The following TRDN variants were observed in gnomAD, a reference collection of about 807,000 sequenced individuals.
The protein encoded by TRDN is triadin in skeletal muscle.
A neutral mutation model predicts 149.7 loss-of-function variants in TRDN; 161 were observed. That is an observed-to-expected ratio of 1.08 (90% CI 0.95 to 1.23). The LOEUF (loss-of-function observed/expected upper bound fraction) is 1.23. TRDN is among the 50% of genes most tolerant of loss of function. The probability of loss-of-function intolerance (pLI) is 0.00; values close to 1 mark genes in which losing one functional copy is unlikely to be tolerated. For missense variants in TRDN, 896 were observed against 823.5 expected, an observed-to-expected ratio of 1.09 and a Z score of -1.08; for synonymous variants, 294 against 250.5, an observed-to-expected ratio of 1.17 and a Z score of -1.64.
At chr6:123,624,237 T>C (rs1785537163) in intron 1 of TRDN, among the ~76,000 whole-genome samples, 1 of 152,090 alleles carries the variant, frequency 6.6e-6, no homozygotes, top group Non-Finnish European at 1.5e-5. Context: ...TAAAATACTA[T>C]GTCTCAAAGC....
chr6:123,457,922 T>G (rs1776226970), intron 10 of TRDN, among the ~76,000 whole-genome samples: 1 of 152,206 alleles, frequency 6.6e-6, no homozygotes, highest in African/African-American at 2.4e-5. Context: ...CCAAAATTCT[T>G]TTTTCTTCCG....
intron 23 of TRDN, among the ~76,000 whole-genome samples, chr6:123,330,267 A>C (rs1193664564): frequency 1.3e-5 from 2 of 152,108 alleles, no homozygotes; most frequent in African/African-American, 4.8e-5. Flanking sequence ...GTATCTAACC[A>C]TTTCAACTTA....
chr6:123,464,731 G>T (rs1036558963), intron 10 of TRDN, 175 bp downstream of exon 10: 20 of 1,391,988 alleles, frequency 1.4e-5, no homozygotes, highest in Non-Finnish European at 1.9e-5. Context: ...GGACATTTTT[G>T]GTTTTCTAAA....
chr6:123,618,807 T>G (rs1487914358), intron 1 of TRDN, among the ~76,000 whole-genome samples: 1 of 152,194 alleles, frequency 6.6e-6, no homozygotes, highest in African/African-American at 2.4e-5. Flanking sequence ...GTTGAGAATC[T>G]GCTTTTTTCT....
At chr6:123,308,253 A>G (rs1468240630) in intron 24 of TRDN, among the ~76,000 whole-genome samples, 2 of 151,172 alleles carry the variant, frequency 1.3e-5, no homozygotes, top group East Asian at 1.9e-4. Flanking sequence ...TCTTTATCCA[A>G]TCCACCATGG....
intron 7 of TRDN, chr6:123,509,653 A>G (rs13195619): frequency 8.5e-5 from 13 of 152,290 alleles, no homozygotes; most frequent in African/African-American, 3.1e-4. Context: ...TTTGTTTGCC[A>G]CCTTGTAAGA....
Position 123,497,218 on chromosome 6 carries a change from T to C in TRDN, c.828A>G (p.Ile276Met). The change falls in exon 9 of 41, where the codon ATA becomes ATG. Residue 276 changes from isoleucine (I) to methionine (M), a missense_variant. Coordinates refer to ENST00000334268, the MANE Select transcript of TRDN (RefSeq NM_006073.4). ...QYAFCRYMID[I>M]FVHGDLKPGQ... The stretch of plus-strand genomic sequence containing the variant: ...CTGGTTTTAAATCCCCATGGACAAA[T>C]ATGTCAATCATATATCGACAGAATG... 1 of 1,559,668 alleles carries C rather than the reference T, an allele frequency of 6.4e-7. No homozygotes were observed.
chr6:123,538,433 G>A (rs920669595), intron 4 of TRDN, among the ~76,000 whole-genome samples: 4 of 152,016 alleles, frequency 2.6e-5, no homozygotes, highest in African/African-American at 9.7e-5. Flanking sequence ...GTAAATATCT[G>A]TATATTCTTT....
chr6:123,388,403 G>C (rs1781984778), intron 14 of TRDN, 119 bp downstream of exon 14: 5 of 1,144,864 alleles, frequency 4.4e-6, no homozygotes, highest in Admixed American at 2.0e-5. Context: ...CAAAATGTAT[G>C]CACATAATAG....
intron 24 of TRDN, among the ~76,000 whole-genome samples, chr6:123,293,527 A>T (rs1022810649): frequency 1.3e-5 from 2 of 152,152 alleles, no homozygotes; most frequent in Non-Finnish European, 2.9e-5. Context: ...AGATCACAAC[A>T]TACAAGGGAA....
At position 123,388,570 on chromosome 6, in the gene TRDN, C is replaced by T. The variant is rs754623877; in HGVS notation, c.1106-19G>A. The T allele has an allele frequency of 2.3e-5, 36 of 1,576,936 alleles. No individual in the cohort carries two copies. Among genetic ancestry groups the T allele is most frequent in the Non-Finnish European group, 2.7e-5 (31 of 1,158,988 alleles). On this transcript the variant is annotated intron_variant, in intron 13 of 40. Transcript: ENST00000334268. ...GCTGCTGCTGAAGTAATGAAAATAG[C>T]GTTAAGGCATATGAAATGACCATTC...
chr6:123,512,443 T>C lies in TRDN; in HGVS notation c.551-81A>G, dbSNP rs184058794. 4.0e-6 allele frequency: 3 copies of C among 750,338 alleles called. No homozygotes were observed. The African/African-American group carries it at 5.3e-5, about 13-fold the overall frequency. The allele number at this position is 750,338 out of a possible 1,614,324, so 46.5% of individuals were successfully genotyped here. On this transcript the variant is annotated intron_variant, in intron 6 of 40. Coordinates refer to ENST00000334268, the MANE Select transcript of TRDN (RefSeq NM_006073.4). ...TTTCTTTTGACCTCAGTTTCATAAGTGCTAAAACCTAATCTGTAATATTTT... is the reference window on the plus strand; with the variant it reads ...TTTCTTTTGACCTCAGTTTCATAAGCGCTAAAACCTAATCTGTAATATTTT...
intron 12 of TRDN, among the ~76,000 whole-genome samples, chr6:123,395,908 C>G (rs1297123485): frequency 6.6e-6 from 1 of 152,176 alleles, no homozygotes; most frequent in Admixed American, 6.5e-5. Context: ...AGTTCACAAA[C>G]TACTACATGA....
intron 24 of TRDN, among the ~76,000 whole-genome samples, chr6:123,300,194 A>G (rs1778351977): frequency 6.6e-6 from 1 of 151,946 alleles, no homozygotes; most frequent in Non-Finnish European, 1.5e-5. Flanking sequence ...TTTGGGTTGA[A>G]ATTGGGAAGG....
At chr6:123,233,820 T>A (rs1775696033) in intron 38 of TRDN, among the ~76,000 whole-genome samples, 1 of 152,102 alleles carries the variant, frequency 6.6e-6, no homozygotes, top group Non-Finnish European at 1.5e-5. Flanking sequence ...ATTTTTTTAT[T>A]TAATAATTGT....
At chr6:123,350,252 A>T (rs997613306) in intron 21 of TRDN, 36 of 962,246 alleles carry the variant, frequency 3.7e-5, no homozygotes, top group Non-Finnish European at 4.4e-5. Flanking sequence ...ATACTACATT[A>T]TTCTGTAATA....
intron 24 of TRDN, 37 bp downstream of exon 24, chr6:123,316,420 C>G: frequency 6.3e-7 from 1 of 1,589,302 alleles, no homozygotes; most frequent in African/African-American, 1.3e-5. Flanking sequence ...CCAAACAGAA[C>G]ATCTCCTTGT....
chr6:123,336,989 G>C (rs931637881), intron 22 of TRDN, among the ~76,000 whole-genome samples: 5 of 151,826 alleles, frequency 3.3e-5, no homozygotes, highest in African/African-American at 1.2e-4. Context: ...ATTATTCTTA[G>C]GATCAGTTTA....
At chr6:123,383,690 T>C (rs1781804004) in intron 14 of TRDN, among the ~76,000 whole-genome samples, 1 of 152,054 alleles carries the variant, frequency 6.6e-6, no homozygotes, top group Admixed American at 6.6e-5. Context: ...AAAAACATAA[T>C]ATAAAATGAC....
Sources: gnomAD v4.1 joint callset for allele counts (sites outside exome capture counted in the v4.1 genomes callset) on GRCh38, gnomAD v4.1.1 for gene constraint, MANE v1.5 for transcripts, NCBI Gene and HGNC (gene_info 2026-07-23, HGNC 2026-07-21) for gene names.